The following SPATC1L variants were observed in gnomAD, a reference collection of about 807,000 sequenced individuals.
The protein encoded by SPATC1L is speriolin-like protein.
Under a neutral mutation model 21.2 loss-of-function variants are expected in SPATC1L, and 20 were observed. That is an observed-to-expected ratio of 0.94 (90% CI 0.66 to 1.37). The LOEUF (loss-of-function observed/expected upper bound fraction) is 1.37. SPATC1L is among the 40% of genes most tolerant of loss of function. SPATC1L has a pLI of 0.00. For synonymous variants in SPATC1L, 290 were observed against 234.5 expected, an observed-to-expected ratio of 1.24 and a Z score of -2.16; for missense variants, 499 against 478.7, an observed-to-expected ratio of 1.04 and a Z score of -0.40.
In SPATC1L at chr21:46,161,643, G is replaced by A; in HGVS notation, c.759C>T (p.Arg253=). ...CCAGGCGCGCGCTCAGGGCCAGGTA[G>A]CGCTGCGTCAGCTCGCGCAGCTTCC... ...DERKLRELTQ[R]YLALSARLEK... Residue 253 remains arginine, a synonymous_variant, in exon 5 of 5, where the codon CGC becomes CGT. Transcript: ENST00000291672. The A allele has an allele frequency of 1.2e-6, 2 of 1,610,180 alleles. No homozygotes were observed. Among genetic ancestry groups the A allele is most frequent in the South Asian group, 2.2e-5 (2 of 90,774 alleles).
intron 2 of SPATC1L, 101 bp downstream of exon 2, chr21:46,182,523 C>A: frequency 4.4e-6 from 5 of 1,139,224 alleles, no homozygotes; most frequent in Non-Finnish European, 6.0e-6. Context: ...GTGCCCGTGA[C>A]CTCCCGCATC....
At chr21:46,169,254 G>A (rs9977340) in intron 2 of SPATC1L, among the ~76,000 whole-genome samples, 24,764 of 147,918 alleles carry the variant, frequency 0.17, 3,122 homozygotes, top group African/African-American at 0.27. Context: ...TGCTCTGTGA[G>A]CATCCTCTGT....
In SPATC1L at chr21:46,163,001, G is replaced by A. The variant is rs553983110; in HGVS notation, c.545-934C>T. 1.3e-4 allele frequency among the ~76,000 whole-genome samples: 20 copies of A among 152,338 alleles called. No homozygotes were observed. The South Asian group carries it at 1.9e-3, about 14-fold the overall frequency. On this transcript the variant is annotated intron_variant, in intron 3 of 4. Coordinates refer to ENST00000291672, the MANE Select transcript of SPATC1L (RefSeq NM_001142854.2). ...ACAGCCTCTGATGGCATCCGAGTCC[G>A]TAACAGCACATGACCTTGTCCATCT...
intron 3 of SPATC1L, among the ~76,000 whole-genome samples, chr21:46,166,808 C>T (rs1358091061): frequency 2.0e-5 from 3 of 152,198 alleles, no homozygotes; most frequent in African/African-American, 7.2e-5. Context: ...AATCGAGAGA[C>T]AGACCCCAGT....
At chr21:46,163,363 TG>T (rs1441783200) in intron 3 of SPATC1L, among the ~76,000 whole-genome samples, 3 of 152,344 alleles carry the variant, frequency 2.0e-5, no homozygotes, top group Admixed American at 6.5e-5. Flanking sequence ...AAGTCCAATT[TG>T]TCTGTTTCTC....
At chr21:46,181,643 G>A (rs558170968) in intron 2 of SPATC1L, among the ~76,000 whole-genome samples, 54 of 152,304 alleles carry the variant, frequency 3.5e-4, no homozygotes, top group African/African-American at 9.1e-4. Context: ...AGGTGCTGGA[G>A]CGGCCCCTTG....
At chr21:46,162,293 G>T (rs2079505352) in intron 3 of SPATC1L, among the ~76,000 whole-genome samples, 1 of 152,164 alleles carries the variant, frequency 6.6e-6, no homozygotes, top group Admixed American at 6.5e-5. Context: ...CTGTCCCTTT[G>T]CGATGAGGTA....
chr21:46,182,559 C>G (rs2079682703), intron 2 of SPATC1L, 65 bp downstream of exon 2: 4 of 1,392,290 alleles, frequency 2.9e-6, no homozygotes, highest in Non-Finnish European at 3.8e-6. Context: ...ACCCTCGACT[C>G]CCGGGGAGCA....
Position 46,172,136 on chromosome 21 carries a change from T to TATGCAAAGCAC in SPATC1L, c.194-3479_194-3478insGTGCTTTGCAT, listed in dbSNP as rs2079597398. Among the ~76,000 whole-genome samples the TATGCAAAGCAC allele has an allele frequency of 2.6e-5, 3 of 113,630 alleles. 1 individual carries two copies. Among genetic ancestry groups the TATGCAAAGCAC allele is most frequent in the South Asian group, 2.8e-4 (1 of 3,554 alleles). The allele number at this position is 113,630 out of a possible 152,430, so 74.5% of individuals were successfully genotyped here. ...CATGAGGCGGGGGATGCACAGAGTG[T>TATGCAAAGCAC]GAGGTGGGGGATGCAAAGAGCGTGA... On this transcript the variant is annotated intron_variant, in intron 2 of 4. Transcript: ENST00000291672.
In SPATC1L at chr21:46,161,996, G is replaced by C. The variant is rs575362573; in HGVS notation, c.616C>G (p.Arg206Gly). ...VGEIAFQLDR[R>G]ILAYVFPGVT... Reference sequence around the variant, plus strand: ...CCCGGGAACACGTAGGCCAGGATGCGGCGGTCCAGCTGGAAGGCGATCTCG... The same window carrying C: ...CCCGGGAACACGTAGGCCAGGATGCCGCGGTCCAGCTGGAAGGCGATCTCG... The change falls in exon 4 of 5, where the codon CGC becomes GGC. Residue 206 changes from arginine (R) to glycine (G), a missense_variant. By Grantham distance (125) the Arg-to-Gly change is moderately radical. Coordinates refer to ENST00000291672, the MANE Select transcript of SPATC1L (RefSeq NM_001142854.2). The C allele has an allele frequency of 1.9e-6, 3 of 1,604,430 alleles. No homozygotes were observed. The highest frequency in any genetic ancestry group is 2.5e-6 in the Non-Finnish European group (3 of 1,177,656).
At chr21:46,161,870 C>A (rs374432155) in intron 4 of SPATC1L, 46 bp downstream of exon 4, 2 of 1,587,532 alleles carry the variant, frequency 1.3e-6, no homozygotes, top group Non-Finnish European at 8.5e-7. Flanking sequence ...AGGGACGGAC[C>A]GAGCGCCCCG....
chr21:46,172,167 G>GGGATGCACAGAGCGTGAGGCGGA (rs2079598337), intron 2 of SPATC1L, among the ~76,000 whole-genome samples: 1 of 104,156 alleles, frequency 9.6e-6, no homozygotes, highest in African/African-American at 4.3e-5. Flanking sequence ...CGTGAGGCGG[G>GGGATGCACAGAGCGTGAGGCGGA]GGATGCACAG....
At chr21:46,175,598 A>T (rs2079626923) in intron 2 of SPATC1L, among the ~76,000 whole-genome samples, 1 of 152,188 alleles carries the variant, frequency 6.6e-6, no homozygotes, top group South Asian at 2.1e-4. Flanking sequence ...CCCTCCCAAG[A>T]CTGAACTAGG....
At chr21:46,171,255 T>G (rs1369356625) in intron 2 of SPATC1L, among the ~76,000 whole-genome samples, 1 of 152,256 alleles carries the variant, frequency 6.6e-6, no homozygotes, top group East Asian at 1.9e-4. Flanking sequence ...TATGAAATTC[T>G]ATTCTACCTC....
chr21:46,178,161 A>C (rs565691149), intron 2 of SPATC1L, among the ~76,000 whole-genome samples: 1 of 147,820 alleles, frequency 6.8e-6, no homozygotes, highest in Admixed American at 7.0e-5. Context: ...GAAATCGGGA[A>C]GCGGAGGTTG....
At chr21:46,165,868 T>C (rs2079536778) in intron 3 of SPATC1L, among the ~76,000 whole-genome samples, 1 of 152,202 alleles carries the variant, frequency 6.6e-6, no homozygotes, top group Admixed American at 6.5e-5. Flanking sequence ...GTTGACATTA[T>C]CAATAAAATG....
chr21:46,163,600 A>G (rs2079518730), intron 3 of SPATC1L, among the ~76,000 whole-genome samples: 1 of 152,208 alleles, frequency 6.6e-6, no homozygotes, highest in African/African-American at 2.4e-5. Context: ...CGCGTTAGAC[A>G]GTATTCAGTC....
At chr21:46,174,838 C>T (rs2877135) in intron 2 of SPATC1L, among the ~76,000 whole-genome samples, 38,932 of 152,148 alleles carry the variant, frequency 0.26, 5,875 homozygotes, top group African/African-American at 0.4. Context: ...AACTCTCCAC[C>T]CCAAAACAAT....
intron 3 of SPATC1L, among the ~76,000 whole-genome samples, chr21:46,164,205 G>T (rs1287299726): frequency 1.3e-5 from 2 of 152,042 alleles, no homozygotes; most frequent in African/African-American, 4.8e-5. Flanking sequence ...TAGAGATGGG[G>T]TTTCGCCCTG....
Sources: allele counts gnomAD v4.1 joint callset (sites outside exome capture counted in the v4.1 genomes callset), GRCh38; gene constraint gnomAD v4.1.1; transcripts MANE v1.5; gene names NCBI Gene and HGNC (gene_info 2026-07-23, HGNC 2026-07-21).